GRM6: variants seen among roughly 807,000 people sequenced by gnomAD.
GRM6 encodes glutamate metabotropic receptor 6.
GRM6 carries 73 observed loss-of-function variants against 78.4 expected under a neutral mutation model. That is an observed-to-expected ratio of 0.93 (90% CI 0.77 to 1.13). GRM6 has a LOEUF of 1.13. Among genes scored for constraint, GRM6 ranks in the 50% most tolerant of loss-of-function variants. The pLI is 0.00. For synonymous variants in GRM6, 580 were observed against 555.0 expected, an observed-to-expected ratio of 1.05 and a Z score of -0.63; for missense variants, 1,251 against 1,256.4, an observed-to-expected ratio of 1.00 and a Z score of 0.07.
intron 2 of GRM6, 106 bp downstream of exon 2, chr5:178,994,335 A>T: frequency 2.0e-6 from 2 of 1,010,128 alleles, no homozygotes; most frequent in Non-Finnish European, 2.7e-6. Context: ...TCGAGTGATT[A>T]AAACGGAGAC....
At position 178,982,692 on chromosome 5, in the gene GRM6, T is replaced by TAAA. The variant is rs11335877; in HGVS notation, c.2436+215_2436+217dup. ...ATATCTCTCAAAGAAATGAAAATGATAAAAAAAAAAAAGAAAAAAAGAAGA... is the reference window on the plus strand; with the variant it reads ...ATATCTCTCAAAGAAATGAAAATGATAAAAAAAAAAAAAAAGAAAAAAAGAAGA... On this transcript the variant is annotated intron_variant, in intron 10 of 10. Coordinates refer to ENST00000517717, the MANE Select transcript of GRM6 (RefSeq NM_000843.4). 3.8e-3 allele frequency: 1,651 copies of TAAA among 432,160 alleles called. 6 individuals are homozygous for TAAA. The highest frequency in any genetic ancestry group is 9.5e-3 in the Middle Eastern group (15 of 1,578). 26.8% of individuals were successfully genotyped at this position (432,160 alleles called of 1,614,324 possible).
At chr5:178,990,406 G>A (rs986908957) in intron 5 of GRM6, among the ~76,000 whole-genome samples, 186 bp downstream of exon 5, 6 of 152,346 alleles carry the variant, frequency 3.9e-5, no homozygotes, top group South Asian at 2.1e-4. Context: ...TGCTTTCCTC[G>A]CACGCCATCC....
Position 178,991,702 on chromosome 5 carries a change from G to C in GRM6, c.722-143C>G. On this transcript the variant is annotated intron_variant, in intron 3 of 10. Coordinates refer to ENST00000517717, the MANE Select transcript of GRM6 (RefSeq NM_000843.4). The surrounding 1 kb of genome is among the most constrained non-coding windows in gnomAD (Gnocchi z 5.0). Reference sequence around the variant, plus strand: ...TGCACCCTCCGCCAAGCCTGAGGCAGGGCTGAGTCGTCCAAAACAAAGAGG... The same window carrying C: ...TGCACCCTCCGCCAAGCCTGAGGCACGGCTGAGTCGTCCAAAACAAAGAGG... 2 of 1,197,366 alleles carry C rather than the reference G, an allele frequency of 1.7e-6. No individual in the cohort carries two copies. The highest frequency in any genetic ancestry group is 2.5e-6 in the Non-Finnish European group (2 of 811,984). The allele number at this position is 1,197,366 out of a possible 1,614,324, so 74.2% of individuals were successfully genotyped here.
At chr5:178,994,998 C>T (rs1262814680) in intron 1 of GRM6, 38 bp from the exon 2 acceptor site, 4 of 999,384 alleles carry the variant, frequency 4.0e-6, no homozygotes, top group African/African-American at 1.7e-5. Flanking sequence ...GCTCTGAGGG[C>T]GGGGGAAGGA....
Position 178,981,457 on chromosome 5 carries a change from A to C in GRM6, c.*200T>G. On this transcript the variant is annotated 3_prime_UTR_variant, in exon 11 of 11. Coordinates refer to ENST00000517717, the MANE Select transcript of GRM6 (RefSeq NM_000843.4). The surrounding 1 kb of genome is among the most constrained non-coding windows in gnomAD (Gnocchi z 5.1). Reference sequence around the variant, plus strand: ...AAGCGAGTCTGGTCTGTGGTGAGGAAGCATGAAGCTCACATGCTGGAATCG... The same window carrying C: ...AAGCGAGTCTGGTCTGTGGTGAGGACGCATGAAGCTCACATGCTGGAATCG... The C allele has an allele frequency of 5.3e-6, 3 of 568,860 alleles. No individual in the cohort carries two copies. The highest frequency in any genetic ancestry group is 6.3e-6 in the Non-Finnish European group (2 of 317,432). 35.2% of individuals were successfully genotyped at this position (568,860 alleles called of 1,614,324 possible).
Position 178,979,020 on chromosome 5 carries a change from G to A in GRM6, c.*2637C>T, listed in dbSNP as rs188573611. 5 of 152,562 alleles carry A rather than the reference G, an allele frequency of 3.3e-5. No individual in the cohort carries two copies. The highest frequency in any genetic ancestry group is 2.6e-4 in the Admixed American group (4 of 15,306). 9.5% of individuals were successfully genotyped at this position (152,562 alleles called of 1,614,324 possible). A position where few individuals can be genotyped will look rare whatever the true frequency, so the allele number is the denominator to read the frequency against. ...TAATCCGAACACTTTGGGAGGTGGA[G>A]GCAGGAGGATCGCTCGAGCTCAGAA... On this transcript the variant is annotated 3_prime_UTR_variant, in exon 11 of 11. Transcript: ENST00000517717.
In GRM6 at chr5:178,981,433, A is replaced by C; in HGVS notation, c.*224T>G. The C allele has an allele frequency of 7.3e-6, 4 of 550,270 alleles. No homozygotes were observed. The highest frequency in any genetic ancestry group is 4.9e-4 in the Middle Eastern group (1 of 2,054). The allele number at this position is 550,270 out of a possible 1,614,324, so 34.1% of individuals were successfully genotyped here. A position where few individuals can be genotyped will look rare whatever the true frequency, so the allele number is the denominator to read the frequency against. Reference sequence around the variant, plus strand: ...TCGGTGGCTGTTTCCCACCATGGGAAGCGAGTCTGGTCTGTGGTGAGGAAG... The same window carrying C: ...TCGGTGGCTGTTTCCCACCATGGGACGCGAGTCTGGTCTGTGGTGAGGAAG... On this transcript the variant is annotated 3_prime_UTR_variant, in exon 11 of 11. Transcript: ENST00000517717. This position sits in a 1 kb window ranked among gnomAD's most constrained non-coding sequence, Gnocchi z 5.1.
chr5:178,983,816 A>T (rs894840731), intron 9 of GRM6, among the ~76,000 whole-genome samples: 3 of 152,224 alleles, frequency 2.0e-5, no homozygotes, highest in African/African-American at 7.2e-5. Flanking sequence ...CCTCAAGCCA[A>T]GGAAAGCTGG....
At chr5:178,985,882 C>T in intron 9 of GRM6, 1 of 563,304 alleles carries the variant, frequency 1.8e-6, no homozygotes. Context: ...CTATTTCAGC[C>T]TCCCAAGTAG....
At chr5:178,986,077 C>T (rs1454157508) in intron 9 of GRM6, 53 bp downstream of exon 9, 23 of 1,541,732 alleles carry the variant, frequency 1.5e-5, no homozygotes, top group Middle Eastern at 2.1e-4. Context: ...GGCTTTGTAA[C>T]GTTGCGGACA....
chr5:178,983,127 C>T lies in GRM6; in HGVS notation c.2219G>A (p.Gly740Glu). 6.2e-7 allele frequency: 1 copy of T among 1,613,646 alleles called. No homozygotes were observed. Among genetic ancestry groups the T allele is most frequent in the Non-Finnish European group, 8.5e-7 (1 of 1,179,626 alleles). ...QRTVDPEQAR[G>E]VLKCDMSDLS... is the part of the protein sequence containing the mutation. ...ATCCGACATGTCGCACTTGAGCACC[C>T]CTCTGGCCTGCTCGGGGTCCACCGT... Residue 740 changes from glycine (G) to glutamate (E), a missense_variant, in exon 10 of 11, where the codon GGG (glycine) becomes GAG (glutamate). By Grantham distance (98) the Gly-to-Glu change is moderately conservative. Coordinates refer to ENST00000517717, the MANE Select transcript of GRM6 (RefSeq NM_000843.4).
rs560337849 is a variant in GRM6 at position 178,991,807 on chromosome 5, A to G, written c.721+60T>C. The G allele has an allele frequency of 7.3e-5, 106 of 1,444,824 alleles. No individual in the cohort carries two copies. The highest frequency in any genetic ancestry group is 2.8e-4 in the East Asian group (12 of 42,618). 89.5% of individuals were successfully genotyped at this position (1,444,824 alleles called of 1,614,324 possible). On this transcript the variant is annotated intron_variant, in intron 3 of 10. Coordinates refer to ENST00000517717, the MANE Select transcript of GRM6 (RefSeq NM_000843.4). The surrounding 1 kb of genome is among the most constrained non-coding windows in gnomAD (Gnocchi z 5.0). ...CCCCCATCTTTCTGCTTCTGCCCCA[A>G]CTGAGGGCCCCGGGCCCACACTATG...
At chr5:178,985,678 G>A (rs1206938716) in intron 9 of GRM6, 6 of 405,556 alleles carry the variant, frequency 1.5e-5, no homozygotes, top group East Asian at 1.5e-4. Context: ...ACTCCAGCCT[G>A]GGCGACACAG....
chr5:178,986,802 G>GCC, intron 8 of GRM6, 36 bp downstream of exon 8: 1 of 1,612,518 alleles, frequency 6.2e-7, no homozygotes, highest in Non-Finnish European at 8.5e-7. Context: ...GGGATCCTGG[G>GCC]CCCATGCCCA....
rs1760635314 is a variant in GRM6, at chr5:178,989,485, A to G, written c.1013-80T>C. On this transcript the variant is annotated intron_variant, in intron 5 of 10. Coordinates refer to ENST00000517717, the MANE Select transcript of GRM6 (RefSeq NM_000843.4). ...TCCTGTGTCTCTCTGCCACTTGCTC[A>G]CTTTCAGCTAGGAGTGGCCAGGTGA... 5 of 1,578,984 alleles carry G rather than the reference A, an allele frequency of 3.2e-6. No homozygotes were observed. The South Asian group carries it at 4.4e-5, about 14-fold the overall frequency.
chr5:178,979,921 C>G lies in GRM6; in HGVS notation c.*1736G>C, dbSNP rs1327434367. The stretch of plus-strand genomic sequence containing the variant: ...ACACGCCCCATTACCCATGAGAGAG[C>G]TGCACAGGAGAGAAACCCTATGGAA... On this transcript the variant is annotated 3_prime_UTR_variant, in exon 11 of 11. Coordinates refer to ENST00000517717, the MANE Select transcript of GRM6 (RefSeq NM_000843.4). 2 of 154,434 alleles carry G rather than the reference C, an allele frequency of 1.3e-5. No homozygotes were observed. Among genetic ancestry groups the G allele is most frequent in the East Asian group, 3.9e-4 (2 of 5,184 alleles). The allele number at this position is 154,434 out of a possible 1,614,324, so 9.6% of individuals were successfully genotyped here.
In GRM6 at chr5:178,986,302, G is replaced by A. The variant is rs778651919; in HGVS notation, c.1952C>T (p.Ala651Val). The change falls in exon 9 of 11, where the codon GCC (alanine) becomes GTC (valine). Residue 651 changes from alanine to valine, a missense_variant. Transcript: ENST00000517717. Reference protein sequence around the residue: ...MVAEPGAAVCAARRLFLGLGT... With the variant: ...MVAEPGAAVCVARRLFLGLGT... Reference sequence around the variant, plus strand: ...CAGGCCCAGGAAGAGCCTGCGGGCGGCACAGACCGCGGCCCCAGGCTCAGC... The same window carrying A: ...CAGGCCCAGGAAGAGCCTGCGGGCGACACAGACCGCGGCCCCAGGCTCAGC... The A allele has an allele frequency of 6.2e-7, 1 of 1,613,916 alleles. No homozygotes were observed. Among genetic ancestry groups the A allele is most frequent in the South Asian group, 1.1e-5 (1 of 91,048 alleles).
intron 9 of GRM6, among the ~76,000 whole-genome samples, chr5:178,984,716 G>A (rs999641290): frequency 3.0e-4 from 46 of 152,280 alleles, no homozygotes; most frequent in African/African-American, 7.9e-4. Flanking sequence ...GCCCTGTTAC[G>A]TGGAGGAAGA....
rs1262310538 is a variant in GRM6, at chr5:178,986,741, G to A, written c.1513C>T (p.Gln505Ter). The change falls in exon 9 of 11, where the codon CAG becomes TAG. Residue 505 changes from glutamine to a stop codon, truncating the protein, a stop_gained. Transcript: ENST00000517717. LOFTEE classifies it high-confidence loss of function. ...ETLRLDVEAL[Q>*]WSGDPHEVPS... ...ACCTCGTGGGGGTCGCCAGACCACT[G>A]CAGGGCCTCCACCTGGGACGCACAA... 2 of 1,607,040 alleles carry A rather than the reference G, an allele frequency of 1.2e-6. No individual in the cohort carries two copies. The highest frequency in any genetic ancestry group is 1.7e-6 in the Non-Finnish European group (2 of 1,179,346).
Sources: allele counts gnomAD v4.1 joint callset (sites outside exome capture counted in the v4.1 genomes callset), GRCh38; gene constraint gnomAD v4.1.1; non-coding constraint Gnocchi (gnomAD v3.1); transcripts MANE v1.5; gene names NCBI Gene and HGNC (gene_info 2026-07-23, HGNC 2026-07-21).